ARHGEF10: variants seen among roughly 807,000 people sequenced by gnomAD.
ARHGEF10 encodes the protein Rho guanine nucleotide exchange factor (GEF) 10.
In ARHGEF10, 140 loss-of-function variants were observed where a neutral mutation model predicts 147.4. That is an observed-to-expected ratio of 0.95 (90% CI 0.83 to 1.09). ARHGEF10 has a LOEUF of 1.09. ARHGEF10 is among the 50% of genes least tolerant of loss of function. ARHGEF10 has a pLI of 0.00. For missense variants in ARHGEF10, 2,222 were observed against 1,752.7 expected (o/e 1.27, Z -4.78); for synonymous variants, 902 against 695.8 (o/e 1.30, Z -4.67).
chr8:1,933,933 T>A lies in ARHGEF10; in HGVS notation c.3213T>A (p.His1071Gln). The change falls in exon 26 of 29, where the codon CAT (histidine) becomes CAA (glutamine). Residue 1071 changes from histidine (H) to glutamine (Q), a missense_variant. Coordinates refer to ENST00000349830, the MANE Select transcript of ARHGEF10 (RefSeq NM_014629.4). ...TCTTCATCATCAGTGTGGAGACTCATGCTGTAGAGGTAAGTCACTTAGGTG... is the reference window on the plus strand; with the variant it reads ...TCTTCATCATCAGTGTGGAGACTCAAGCTGTAGAGGTAAGTCACTTAGGTG... ...GQVFIISVET[H>Q]AVEGQLEAHQ... 6.2e-7 allele frequency: 1 copy of A among 1,614,194 alleles called. No individual in the cohort carries two copies. The highest frequency in any genetic ancestry group is 1.7e-5 in the Admixed American group (1 of 60,024).
At chr8:1,841,171 C>G (rs1010279328) in intron 1 of ARHGEF10, among the ~76,000 whole-genome samples, 1 of 152,246 alleles carries the variant, frequency 6.6e-6, no homozygotes, top group Non-Finnish European at 1.5e-5. Flanking sequence ...TCTCAAGTCT[C>G]CCAACCAGTG....
At position 1,898,511 on chromosome 8, in the gene ARHGEF10, A is replaced by C. The variant is rs766078379; in HGVS notation, c.1636A>C (p.Ile546Leu). The part of the protein sequence containing the change: ...MKPIQRFPQF[I>L]LLLQDMLKNT... ...GCCCATCCAGAGGTTCCCACAGTTC[A>C]TCCTCCTGCTCCAGGTAAGTGCTTC... The change falls in exon 15 of 29, where the codon ATC (isoleucine) becomes CTC (leucine). Residue 546 changes from isoleucine to leucine, a missense_variant. Transcript: ENST00000349830. The C allele has an allele frequency of 6.2e-7, 1 of 1,613,940 alleles. No homozygotes were observed. Among genetic ancestry groups the C allele is most frequent in the Non-Finnish European group, 8.5e-7 (1 of 1,179,984 alleles).
rs139152575 is a variant in ARHGEF10, at chr8:1,936,897, T to G, written c.3222+2955T>G. Reference sequence around the variant, plus strand: ...AGTGGGATGCGGGCTAATGCCGTCTTCAGCCAGGAAAGGGCTCTCCGGCTG... The same window carrying G: ...AGTGGGATGCGGGCTAATGCCGTCTGCAGCCAGGAAAGGGCTCTCCGGCTG... On this transcript the variant is annotated intron_variant, in intron 26 of 28. Coordinates refer to ENST00000349830, the MANE Select transcript of ARHGEF10 (RefSeq NM_014629.4). Among the ~76,000 whole-genome samples, 19 of 152,234 alleles carry G rather than the reference T, an allele frequency of 1.2e-4. No individual in the cohort carries two copies. The East Asian group carries it at 3.5e-3, about 28-fold the overall frequency.
intron 1 of ARHGEF10, among the ~76,000 whole-genome samples, chr8:1,831,415 T>G (rs1425912697): frequency 6.7e-6 from 1 of 149,798 alleles, no homozygotes; most frequent in Admixed American, 6.6e-5. Context: ...GTGTGATGGC[T>G]GTGGAGAGAC....
chr8:1,830,336 C>G (rs1270764459), intron 1 of ARHGEF10, among the ~76,000 whole-genome samples: 8 of 152,222 alleles, frequency 5.3e-5, no homozygotes, highest in Non-Finnish European at 1.2e-4. Flanking sequence ...TGGCTTCTGT[C>G]CAGCATCCAG....
chr8:1,899,790 T>C (rs1269838634), intron 15 of ARHGEF10, among the ~76,000 whole-genome samples: 1 of 152,266 alleles, frequency 6.6e-6, no homozygotes, highest in East Asian at 1.9e-4. Flanking sequence ...GAGACGCTGT[T>C]GGCTTCCGGC....
In ARHGEF10 at chr8:1,933,882, G is replaced by A. The variant is rs747786952; in HGVS notation, c.3162G>A (p.Thr1054=). 2.9e-5 allele frequency: 47 copies of A among 1,613,740 alleles called. No homozygotes were observed. The highest frequency in any genetic ancestry group is 3.6e-5 in the Non-Finnish European group (43 of 1,179,702). ...GAAGTCTACTCATGATGGAAGACAC[G>A]TTGTGGGCGGCTTCCGGAGGTCAAG... is the stretch of plus-strand genomic sequence containing the variant. The part of the protein sequence containing the change: ...PVRSLLMMED[T]LWAASGGQVF... The change falls in exon 26 of 29, where the codon ACG becomes ACA. Residue 1054 remains threonine, a synonymous_variant. Coordinates refer to ENST00000349830, the MANE Select transcript of ARHGEF10 (RefSeq NM_014629.4).
In ARHGEF10 at chr8:1,945,701, C is replaced by T. The variant is rs553825578; in HGVS notation, c.3397+46C>T. 3.9e-5 allele frequency: 63 copies of T among 1,611,516 alleles called. No individual in the cohort carries two copies. In the South Asian group the frequency reaches 4.2e-4, roughly 11 times the overall value. On this transcript the variant is annotated intron_variant, in intron 27 of 28. Transcript: ENST00000349830. ...CCAGGGATGGGACAGCAACCGGGGA[C>T]GGACGTGGGGGGTGCGGAGCGCTGT...
intron 26 of ARHGEF10, among the ~76,000 whole-genome samples, chr8:1,945,200 C>CT (rs1814466177): frequency 6.6e-6 from 1 of 152,330 alleles, no homozygotes; most frequent in East Asian, 1.9e-4. Flanking sequence ...CTGCCCATGT[C>CT]TCCTTTAGGA....
chr8:1,929,946 C>G (rs1812989796), intron 25 of ARHGEF10, among the ~76,000 whole-genome samples: 1 of 152,136 alleles, frequency 6.6e-6, no homozygotes, highest in South Asian at 2.1e-4. Context: ...CCGCCTGGTC[C>G]CCGCAGCCGC....
intron 1 of ARHGEF10, among the ~76,000 whole-genome samples, chr8:1,837,241 C>T (rs967961413): frequency 8.5e-5 from 13 of 152,098 alleles, no homozygotes; most frequent in African/African-American, 1.7e-4. Context: ...GGCTGCTGTG[C>T]GCTGTGCGGA....
intron 2 of ARHGEF10, among the ~76,000 whole-genome samples, chr8:1,848,383 G>A (rs1036111560): frequency 2.6e-5 from 4 of 152,204 alleles, no homozygotes; most frequent in Non-Finnish European, 4.4e-5. Context: ...TTTGAACTCA[G>A]CTCTCCGACT....
chr8:1,873,868 T>TC (rs1331799895), intron 7 of ARHGEF10, among the ~76,000 whole-genome samples: 1 of 152,108 alleles, frequency 6.6e-6, no homozygotes, highest in Non-Finnish European at 1.5e-5. Flanking sequence ...TTTTTTCTTT[T>TC]TTTTTTATTG....
chr8:1,899,803 G>C (rs1303599157), intron 15 of ARHGEF10, among the ~76,000 whole-genome samples: 1 of 152,358 alleles, frequency 6.6e-6, no homozygotes, highest in African/African-American at 2.4e-5. Flanking sequence ...CTTCCGGCAA[G>C]CAGCCACAGA....
In ARHGEF10 at chr8:1,909,310, C is replaced by G; in HGVS notation, c.1983C>G (p.Ser661Arg). 1 of 1,614,198 alleles carries G rather than the reference C, an allele frequency of 6.2e-7. No individual in the cohort carries two copies. Among genetic ancestry groups the G allele is most frequent in the African/African-American group, 1.3e-5 (1 of 75,046 alleles). ...ATVSSRPSHD[S>R]RVMSSQRYLL... is the part of the protein sequence containing the mutation. ...GTCGTTTCAGCCCCTCTCATGACAG[C>G]CGTGTGATGAGCAGCCAGAGGTACT... Residue 661 changes from serine (S) to arginine (R), a missense_variant, in exon 18 of 29, where the codon AGC (serine) becomes AGG (arginine). By Grantham distance (110) the Ser-to-Arg change is moderately radical. Transcript: ENST00000349830.
chr8:1,834,010 C>T (rs1028990610), intron 1 of ARHGEF10, among the ~76,000 whole-genome samples: 1 of 152,216 alleles, frequency 6.6e-6, no homozygotes, highest in Non-Finnish European at 1.5e-5. Context: ...CTCCAGCCCT[C>T]CCGGGGAAGG....
intron 25 of ARHGEF10, among the ~76,000 whole-genome samples, chr8:1,932,660 C>T (rs1813249314): frequency 6.6e-6 from 1 of 152,216 alleles, no homozygotes; most frequent in Non-Finnish European, 1.5e-5. Flanking sequence ...CACTTTTAGC[C>T]TAATTGCAAC....
chr8:1,908,225 T>C (rs1335177787), intron 17 of ARHGEF10, among the ~76,000 whole-genome samples: 1 of 134,028 alleles, frequency 7.5e-6, no homozygotes, highest in Non-Finnish European at 1.5e-5. Context: ...ACCCACACTT[T>C]GATTTTTTTT....
At chr8:1,891,410 G>C (rs1355778607) in intron 11 of ARHGEF10, among the ~76,000 whole-genome samples, 4 of 152,094 alleles carry the variant, frequency 2.6e-5, no homozygotes, top group African/African-American at 9.7e-5. Context: ...CTAATTTGGG[G>C]GTGGAAAAAG....
Sources: gnomAD v4.1 joint callset for allele counts (sites outside exome capture counted in the v4.1 genomes callset) on GRCh38, gnomAD v4.1.1 for gene constraint, MANE v1.5 for transcripts, NCBI Gene and HGNC (gene_info 2026-07-23, HGNC 2026-07-21) for gene names.